Variants in NCKAP5L observed in about 807,000 individuals in gnomAD.
NCKAP5L encodes the protein NCK associated protein 5 like.
NCKAP5L carries 54 observed loss-of-function variants against 103.2 expected under a neutral mutation model. That is an observed-to-expected ratio of 0.52 (90% CI 0.42 to 0.66). The LOEUF is 0.66. Ranked by LOEUF, NCKAP5L falls within the 30% of genes least tolerant of loss-of-function variation. The pLI is 0.00. For synonymous variants in NCKAP5L, 762 were observed against 748.6 expected (o/e 1.02, Z -0.29); for missense variants, 1,733 against 1,750.6 (o/e 0.99, Z 0.18).
intron 8 of NCKAP5L, among the ~76,000 whole-genome samples, chr12:49,794,528 T>A (rs1041765992): frequency 5.3e-5 from 8 of 151,934 alleles, no homozygotes; most frequent in African/African-American, 1.9e-4. Flanking sequence ...CAGGAAGATG[T>A]GGACTGTTAA....
rs772255764 is a variant in NCKAP5L, at chr12:49,795,956, C to A, written c.1904G>T (p.Arg635Leu). ...CTTGGATGAGTTGCCTGGGGTCCTG[C>A]GGCCGGGATGGGGAGACTCCGAGCC... The part of the protein sequence containing the change: ...KAGSESPHPG[R>L]RTPGNSSKKP... The change falls in exon 8 of 13, where the codon CGC (arginine) becomes CTC (leucine). Residue 635 changes from arginine to leucine, a missense_variant. Coordinates refer to ENST00000335999, the MANE Select transcript of NCKAP5L (RefSeq NM_001037806.4). 4 of 1,530,412 alleles carry A rather than the reference C, an allele frequency of 2.6e-6. No homozygotes were observed. The South Asian group carries it at 5.3e-5, about 20-fold the overall frequency. The allele number at this position is 1,530,412 out of a possible 1,614,324, so 94.8% of individuals were successfully genotyped here. A position where few individuals can be genotyped will look rare whatever the true frequency, so the allele number is the denominator to read the frequency against.
At chr12:49,825,322 G>T (rs1307028572) in intron 1 of NCKAP5L, among the ~76,000 whole-genome samples, 1 of 152,178 alleles carries the variant, frequency 6.6e-6, no homozygotes, top group Non-Finnish European at 1.5e-5. Context: ...TGCCAGGTTC[G>T]GGTGAGGGTT....
In NCKAP5L at chr12:49,796,961, G is replaced by A; in HGVS notation, c.899C>T (p.Ser300Phe). 1 of 1,603,550 alleles carries A rather than the reference G, an allele frequency of 6.2e-7. No individual in the cohort carries two copies. Among genetic ancestry groups the A allele is most frequent in the Non-Finnish European group, 8.5e-7 (1 of 1,175,726 alleles). Residue 300 changes from serine (S) to phenylalanine (F), a missense_variant, in exon 8 of 13, where the codon TCC (serine) becomes TTC (phenylalanine). Ser to Phe is a radical substitution (Grantham distance 155, BLOSUM62 -2). Transcript: ENST00000335999. ...PNCAPGSSSS[S>F]SSDEAGDPNE... ...GGGGTCACCTGCCTCATCAGAAGAG[G>A]AGGAGGAGCTGCTGCCTGGGGCACA... is the stretch of plus-strand genomic sequence containing the variant.
chr12:49,809,481 G>C (rs542458813), intron 1 of NCKAP5L, among the ~76,000 whole-genome samples: 3 of 152,124 alleles, frequency 2.0e-5, no homozygotes, highest in Non-Finnish European at 2.9e-5. Flanking sequence ...GACCAGGAGT[G>C]GGGGAGGGTG....
intron 6 of NCKAP5L, among the ~76,000 whole-genome samples, chr12:49,799,943 C>T (rs573218960): frequency 6.6e-6 from 1 of 152,222 alleles, no homozygotes; most frequent in Non-Finnish European, 1.5e-5. Context: ...TGCCTGTAAT[C>T]CCAGCACTTT....
At chr12:49,802,170 TA>T in intron 5 of NCKAP5L, 1 of 566,878 alleles carries the variant, frequency 1.8e-6, no homozygotes, top group Non-Finnish European at 3.1e-6. Context: ...GTAAATTCTC[TA>T]AAGTTTATCA....
rs1946051222 is a variant in NCKAP5L at position 49,796,659 on chromosome 12, C to T, written c.1201G>A (p.Gly401Arg). 1.9e-6 allele frequency: 3 copies of T among 1,582,290 alleles called. No homozygotes were observed. Among genetic ancestry groups the T allele is most frequent in the East Asian group, 2.2e-5 (1 of 44,566 alleles). ...AACATGCTAAGGAAGGGGAGGGGCC[C>T]CTGGCCCTCTGAGGTAGCACCGAAG... ...PGFGATSEGQ[G>R]PLPFLSMFMG... The change falls in exon 8 of 13, where the codon GGG becomes AGG. Residue 401 changes from glycine to arginine, a missense_variant. Coordinates refer to ENST00000335999, the MANE Select transcript of NCKAP5L (RefSeq NM_001037806.4).
At chr12:49,816,868 T>C (rs962021542) in intron 1 of NCKAP5L, among the ~76,000 whole-genome samples, 1 of 151,868 alleles carries the variant, frequency 6.6e-6, no homozygotes, top group Non-Finnish European at 1.5e-5. Context: ...AGTACTAACC[T>C]ATTAATTCTA....
chr12:49,793,040 G>C (rs887740051), intron 10 of NCKAP5L, 54 bp from the exon 11 acceptor site: 30 of 1,341,060 alleles, frequency 2.2e-5, no homozygotes, highest in Admixed American at 5.3e-5. Context: ...CTCAGTCCCC[G>C]GCCTGCCTCC....
intron 1 of NCKAP5L, among the ~76,000 whole-genome samples, chr12:49,820,313 CTTTTT>C (rs55677422): frequency 8.2e-6 from 1 of 121,422 alleles, no homozygotes; most frequent in African/African-American, 3.3e-5. Flanking sequence ...ATCTCCTGGC[CTTTTT>C]TTTTTTTTTT....
At chr12:49,813,420 T>G (rs963486498) in intron 1 of NCKAP5L, among the ~76,000 whole-genome samples, 1 of 152,242 alleles carries the variant, frequency 6.6e-6, no homozygotes, top group Non-Finnish European at 1.5e-5. Context: ...TGCATGTGCT[T>G]ATTGGCCATT....
chr12:49,804,150 C>T (rs1340429723), intron 2 of NCKAP5L, 70 bp from the exon 3 acceptor site: 2 of 1,476,570 alleles, frequency 1.4e-6, no homozygotes, highest in East Asian at 2.4e-5. Context: ...CTCCTTGGAG[C>T]TTAGGTCAGT....
Position 49,792,635 on chromosome 12 carries a change from C to T in NCKAP5L, c.3649+43G>A, listed in dbSNP as rs374705035. On this transcript the variant is annotated intron_variant, in intron 11 of 12. Coordinates refer to ENST00000335999, the MANE Select transcript of NCKAP5L (RefSeq NM_001037806.4). This position sits in a 1 kb window ranked among gnomAD's most constrained non-coding sequence, Gnocchi z 4.5. ...GTGGATGGAGCTGCCTGGGCAGCTC[C>T]AGGATGCCCAGGGGCATCCCACCCT... 67 of 1,613,066 alleles carry T rather than the reference C, an allele frequency of 4.2e-5. No homozygotes were observed. In the African/African-American group the frequency reaches 8.4e-4, roughly 20 times the overall value.
rs2137004828 is a variant in NCKAP5L at position 49,797,923 on chromosome 12, G to A, written c.465+427C>T. On this transcript the variant is annotated intron_variant, in intron 7 of 12. Coordinates refer to ENST00000335999, the MANE Select transcript of NCKAP5L (RefSeq NM_001037806.4). The surrounding 1 kb of genome is among the most constrained non-coding windows in gnomAD (Gnocchi z 4.5). ...CGCCATGCCCAGCCCTTTCTCAGGT[G>A]TAGCATAGTGTGGTATAGTGGGCAA... Among the ~76,000 whole-genome samples, 1 of 152,322 alleles carries A rather than the reference G, an allele frequency of 6.6e-6. No homozygotes were observed. The highest frequency in any genetic ancestry group is 2.1e-4 in the South Asian group (1 of 4,828).
At chr12:49,819,075 G>T (rs1006926156) in intron 1 of NCKAP5L, among the ~76,000 whole-genome samples, 8 of 150,580 alleles carry the variant, frequency 5.3e-5, no homozygotes, top group African/African-American at 2.0e-4. Flanking sequence ...GCTCGCGCCT[G>T]TAATCCCAGC....
rs769376674 is a variant in NCKAP5L at position 49,803,112 on chromosome 12, C to T, written c.177G>A (p.Glu59=). The change falls in exon 4 of 13, where the codon GAG becomes GAA. Residue 59 remains glutamate, a synonymous_variant. Transcript: ENST00000335999. ...QANENQRETY[E]RCLDEVANHV... ...ACCCACAGACCTCGTCCAGACAGCGCTCATAAGTCTCCCGCTGGTTTTCGT... is the reference window on the plus strand; with the variant it reads ...ACCCACAGACCTCGTCCAGACAGCGTTCATAAGTCTCCCGCTGGTTTTCGT... 1.1e-5 allele frequency: 18 copies of T among 1,614,166 alleles called. No homozygotes were observed. The highest frequency in any genetic ancestry group is 2.2e-5 in the East Asian group (1 of 44,898).
chr12:49,796,082 TG>T lies in NCKAP5L; in HGVS notation c.1777del (p.Gln593ArgfsTer79), dbSNP rs1453851813. The T allele has an allele frequency of 6.2e-7, 1 of 1,600,346 alleles. No individual in the cohort carries two copies. Among genetic ancestry groups the T allele is most frequent in the Non-Finnish European group, 8.5e-7 (1 of 1,173,876 alleles). On this transcript the variant is annotated frameshift_variant, in exon 8 of 13. Coordinates refer to ENST00000335999, the MANE Select transcript of NCKAP5L (RefSeq NM_001037806.4). LOFTEE classifies it high-confidence loss of function. ...TYPQLTLEVPQAPEVLRSPGV... is the reference protein window; with the variant it reads ...TYPQLTLEVPXAPEVLRSPGV... ...AGGGCTTCTGAGGACCTCAGGGGCC[TG>T]TGGTACCTCCAGAGTTAGCTGTGGG...
At chr12:49,794,101 G>A (rs1945986492) in intron 8 of NCKAP5L, among the ~76,000 whole-genome samples, 2 of 152,190 alleles carry the variant, frequency 1.3e-5, no homozygotes, top group Admixed American at 1.3e-4. Flanking sequence ...GAGGAACAGA[G>A]GGCAGGGGAG....
Position 49,796,827 on chromosome 12 carries a change from C to T in NCKAP5L, c.1033G>A (p.Gly345Arg), listed in dbSNP as rs773504769. ...TCCCCATTGAGTGGGCCTGCAGCCCCGGCCAGGAAGGCCTGTAGGTAAGAC... is the reference window on the plus strand; with the variant it reads ...TCCCCATTGAGTGGGCCTGCAGCCCTGGCCAGGAAGGCCTGTAGGTAAGAC... ...TESYLQAFLA[G>R]AAGPLNGDHP... is the part of the protein sequence containing the mutation. Residue 345 changes from glycine (G) to arginine (R), a missense_variant, in exon 8 of 13, where the codon GGG (glycine) becomes AGG (arginine). Transcript: ENST00000335999. The T allele has an allele frequency of 9.9e-6, 16 of 1,613,180 alleles. No individual in the cohort carries two copies. Among genetic ancestry groups the T allele is most frequent in the African/African-American group, 2.7e-5 (2 of 74,926 alleles).
Sources: allele counts gnomAD v4.1 joint callset (sites outside exome capture counted in the v4.1 genomes callset), GRCh38; gene constraint gnomAD v4.1.1; non-coding constraint Gnocchi (gnomAD v3.1); transcripts MANE v1.5; gene names NCBI Gene and HGNC (gene_info 2026-07-23, HGNC 2026-07-21).